HDAC9: variants seen among roughly 807,000 people sequenced by gnomAD.
The protein encoded by HDAC9 is histone deacetylase 9.
HDAC9 carries 41 observed loss-of-function variants against 139.4 expected under a neutral mutation model. That is an observed-to-expected ratio of 0.29 (90% CI 0.23 to 0.38). HDAC9 has a LOEUF of 0.38. Ranked by LOEUF, HDAC9 falls within the 10% of genes least tolerant of loss-of-function variation. The pLI is 1.00. For synonymous variants in HDAC9, 517 were observed against 476.2 expected, an observed-to-expected ratio of 1.09 and a Z score of -1.12; for missense variants, 1,147 against 1,297.0, an observed-to-expected ratio of 0.88 and a Z score of 1.78.
At chr7:18,919,407 A>G (rs1803491859) in intron 22 of HDAC9, among the ~76,000 whole-genome samples, 1 of 152,016 alleles carries the variant, frequency 6.6e-6, no homozygotes. Context: ...CAATCTTCCT[A>G]GAGAAGAAAA....
Position 18,999,369 on chromosome 7 carries a change from G to A in HDAC9, c.*3307G>A, listed in dbSNP as rs1017490037. ...ATTATAAAGCCTCGTGGATTTACTG[G>A]GTTTCTTTACAGACTCCATATGGAA... is the stretch of plus-strand genomic sequence containing the variant. On this transcript the variant is annotated 3_prime_UTR_variant, in exon 26 of 26. Transcript: ENST00000686413. The A allele has an allele frequency of 3.9e-5, 6 of 152,108 alleles. No individual in the cohort carries two copies. Among genetic ancestry groups the A allele is most frequent in the African/African-American group, 1.4e-4 (6 of 41,402 alleles). The allele number at this position is 152,108 out of a possible 1,614,324, so 9.4% of individuals were successfully genotyped here.
At chr7:18,427,271 G>A (rs923921972) in intron 1 of HDAC9, among the ~76,000 whole-genome samples, 2 of 152,042 alleles carry the variant, frequency 1.3e-5, no homozygotes, top group African/African-American at 2.4e-5. Context: ...CACACCTACA[G>A]CCTTATCTTT....
At chr7:18,545,518 A>G (rs777675795) in intron 2 of HDAC9, among the ~76,000 whole-genome samples, 3 of 152,100 alleles carry the variant, frequency 2.0e-5, no homozygotes, top group Non-Finnish European at 4.4e-5. Flanking sequence ...CTTTTGGCCT[A>G]GGGGGTGTAG....
At chr7:18,266,169 C>A (rs1795983052) in intron 2 of HDAC9, among the ~76,000 whole-genome samples, 1 of 152,118 alleles carries the variant, frequency 6.6e-6, no homozygotes, top group African/African-American at 2.4e-5. Flanking sequence ...CATTATCTAA[C>A]AAAACACTTT....
At chr7:18,325,920 G>A (rs1800415093) in intron 1 of HDAC9, among the ~76,000 whole-genome samples, 1 of 151,982 alleles carries the variant, frequency 6.6e-6, no homozygotes, top group Admixed American at 6.6e-5. Context: ...TACCATCTAG[G>A]TTTGTGTAAG....
intron 8 of HDAC9, among the ~76,000 whole-genome samples, chr7:18,635,308 G>A (rs182809353): frequency 6.6e-6 from 1 of 151,982 alleles, no homozygotes; most frequent in East Asian, 1.9e-4. Flanking sequence ...ATAGTTGAAG[G>A]GTGTGAAGCT....
intron 13 of HDAC9, among the ~76,000 whole-genome samples, chr7:18,729,661 C>T (rs560111500): frequency 7.0e-6 from 1 of 143,248 alleles, no homozygotes; most frequent in South Asian, 2.2e-4. Context: ...AAGACTAGGT[C>T]ATTTCAGAGA....
Position 18,618,199 on chromosome 7 carries a change from A to G in HDAC9, c.665-11151A>G, listed in dbSNP as rs560063295. On this transcript the variant is annotated intron_variant, in intron 6 of 25. Transcript: ENST00000686413. ...TGATTTACTATACTTATTGTAGTCA[A>G]TGTATTCCATTTATTACTTCTGAAC... is the stretch of plus-strand genomic sequence containing the variant. 7.4e-4 allele frequency among the ~76,000 whole-genome samples: 113 copies of G among 152,260 alleles called. 2 individuals are homozygous for G. The South Asian group carries it at 0.011, about 14-fold the overall frequency.
At chr7:18,785,251 G>T (rs539807807) in intron 16 of HDAC9, among the ~76,000 whole-genome samples, 223 of 151,944 alleles carry the variant, frequency 1.5e-3, no homozygotes, top group African/African-American at 5.1e-3. Flanking sequence ...TAACAGCATT[G>T]ATTCTGTTCA....
intron 1 of HDAC9, among the ~76,000 whole-genome samples, chr7:18,348,743 G>A (rs919733200): frequency 9.9e-5 from 15 of 152,024 alleles, no homozygotes; most frequent in African/African-American, 3.4e-4. Context: ...TTTAAAATTG[G>A]TGTATTTCCT....
intron 2 of HDAC9, among the ~76,000 whole-genome samples, chr7:18,497,462 T>C (rs1797231474): frequency 6.6e-6 from 1 of 152,172 alleles, no homozygotes; most frequent in South Asian, 2.1e-4. Flanking sequence ...TGGTTAGTTA[T>C]GTTAATTTTA....
At position 18,749,716 on chromosome 7, in the gene HDAC9, T is replaced by A. The variant is rs371641464; in HGVS notation, c.2043+578T>A. Reference sequence around the variant, plus strand: ...TTTGGAAAAATATACCTTTTTATGCTTTCAAAGGTTAAAAACAACAGTCAT... The same window carrying A: ...TTTGGAAAAATATACCTTTTTATGCATTCAAAGGTTAAAAACAACAGTCAT... On this transcript the variant is annotated intron_variant, in intron 14 of 25. Transcript: ENST00000686413. Among the ~76,000 whole-genome samples the A allele has an allele frequency of 2.3e-3, 355 of 152,298 alleles. 1 individual carries two copies. The highest frequency in any genetic ancestry group is 8.5e-3 in the African/African-American group (352 of 41,570).
intron 2 of HDAC9, among the ~76,000 whole-genome samples, chr7:18,528,913 A>G (rs974903079): frequency 6.6e-6 from 1 of 152,188 alleles, no homozygotes; most frequent in Non-Finnish European, 1.5e-5. Flanking sequence ...AAGGAACCAC[A>G]TAAGTAAAAA....
chr7:18,179,673 AATT>A (rs1789233594), intron 2 of HDAC9, among the ~76,000 whole-genome samples: 1 of 152,196 alleles, frequency 6.6e-6, no homozygotes, highest in Non-Finnish European at 1.5e-5. Flanking sequence ...ATTAATGAGA[AATT>A]ATACAAATGC....
chr7:18,489,076 A>T (rs1796177490), intron 1 of HDAC9, among the ~76,000 whole-genome samples: 1 of 152,036 alleles, frequency 6.6e-6, no homozygotes, highest in African/African-American at 2.4e-5. Context: ...TATGTTAGTG[A>T]TTTACTCAAG....
chr7:18,257,831 C>G (rs1261481824), intron 2 of HDAC9, among the ~76,000 whole-genome samples: 7 of 152,130 alleles, frequency 4.6e-5, no homozygotes, highest in Non-Finnish European at 8.8e-5. Flanking sequence ...TGCATAATGC[C>G]TAAGCATCAT....
Position 18,821,224 on chromosome 7 carries a change from C to G in HDAC9, c.2323-7937C>G, listed in dbSNP as rs144868975. 2.6e-3 allele frequency among the ~76,000 whole-genome samples: 400 copies of G among 152,316 alleles called. 4 individuals are homozygous for G. The highest frequency in any genetic ancestry group is 9.4e-3 in the African/African-American group (389 of 41,564). Reference sequence around the variant, plus strand: ...TCATGACCTCATCGCTGCTTAAAGGCCCTACCATTTAATAATATCATATTG... The same window carrying G: ...TCATGACCTCATCGCTGCTTAAAGGGCCTACCATTTAATAATATCATATTG... On this transcript the variant is annotated intron_variant, in intron 17 of 25. Coordinates refer to ENST00000686413, the MANE Select transcript of HDAC9 (RefSeq NM_178425.4).
intron 17 of HDAC9, among the ~76,000 whole-genome samples, chr7:18,802,072 T>C (rs1303209571): frequency 6.6e-6 from 1 of 151,732 alleles, no homozygotes; most frequent in Non-Finnish European, 1.5e-5. Flanking sequence ...TTATTTTATT[T>C]GGGGGGAGGT....
intron 12 of HDAC9, among the ~76,000 whole-genome samples, chr7:18,713,470 G>A (rs143685668): frequency 6.4e-4 from 97 of 152,118 alleles, no homozygotes; most frequent in Non-Finnish European, 1.3e-3. Context: ...TAGCTATTCC[G>A]CAATGTATAC....
Sources: gnomAD v4.1 joint callset for allele counts (sites outside exome capture counted in the v4.1 genomes callset) on GRCh38, gnomAD v4.1.1 for gene constraint, MANE v1.5 for transcripts, NCBI Gene and HGNC (gene_info 2026-07-23, HGNC 2026-07-21) for gene names.